PDE12: variants seen among roughly 807,000 people sequenced by gnomAD.
PDE12 encodes phosphodiesterase 12.
In PDE12, 26 loss-of-function variants were observed where a neutral mutation model predicts 45.4. That is an observed-to-expected ratio of 0.57 (90% CI 0.42 to 0.79). The LOEUF is 0.79. PDE12 is among the 30% of genes least tolerant of loss of function. The pLI, the probability that PDE12 is intolerant of heterozygous loss-of-function variation, is 0.00. For synonymous variants in PDE12, 283 were observed against 323.9 expected, an observed-to-expected ratio of 0.87 and a Z score of 1.36; for missense variants, 668 against 790.0, an observed-to-expected ratio of 0.85 and a Z score of 1.85.
the PDE12 span, among the ~76,000 whole-genome samples, chr3:57,653,475 G>T: frequency 1.3e-5 from 2 of 151,984 alleles, no homozygotes; most frequent in Admixed American, 1.3e-4. Flanking sequence ...GCCGGGCGCG[G>T]TGGCTCACGC....
At chr3:57,578,592 G>A in the PDE12 span, among the ~76,000 whole-genome samples, 4 of 151,972 alleles carry the variant, frequency 2.6e-5, no homozygotes, top group African/African-American at 4.8e-5. Flanking sequence ...TGATCCTCCC[G>A]CCTCAGCCTC....
the PDE12 span, among the ~76,000 whole-genome samples, chr3:57,629,066 A>T: frequency 6.6e-6 from 1 of 152,214 alleles, no homozygotes; most frequent in African/African-American, 2.4e-5. Flanking sequence ...CTGTTAGATA[A>T]TTTTCTGCAT....
At chr3:57,558,274 C>T (rs1405718957) in intron 1 of PDE12, among the ~76,000 whole-genome samples, 1 of 152,078 alleles carries the variant, frequency 6.6e-6, no homozygotes, top group African/African-American at 2.4e-5. Context: ...CACACAACAG[C>T]CCATGAGGTG....
chr3:57,577,328 CT>C, the PDE12 span: 1 of 1,613,324 alleles, frequency 6.2e-7, no homozygotes, highest in Non-Finnish European at 8.5e-7. Context: ...TTTTCTGCAG[CT>C]CATCTGCTAC....
chr3:57,646,381 C>G, the PDE12 span: 1 of 1,614,078 alleles, frequency 6.2e-7, no homozygotes, highest in African/African-American at 1.3e-5. Context: ...CAAGGGGCTC[C>G]CCCAACAGCA....
At chr3:57,641,290 A>G in the PDE12 span, among the ~76,000 whole-genome samples, 5 of 143,890 alleles carry the variant, frequency 3.5e-5, no homozygotes, top group South Asian at 2.1e-4. Context: ...ATATTTAAAT[A>G]TTATATATTT....
At chr3:57,568,707 T>C (rs2153407986), downstream of PDE12, among the ~76,000 whole-genome samples, 1 of 151,804 alleles carries the variant, frequency 6.6e-6, no homozygotes, top group South Asian at 2.1e-4. Context: ...AGGCATGAGC[T>C]ACCATGCCTT....
the PDE12 span, chr3:57,641,544 G>T: frequency 1.2e-6 from 1 of 829,118 alleles, no homozygotes; most frequent in East Asian, 2.8e-5. Flanking sequence ...CTTCTCCAAA[G>T]GCCTTGAAGA....
chr3:57,618,073 A>G, the PDE12 span, among the ~76,000 whole-genome samples: 2 of 152,180 alleles, frequency 1.3e-5, no homozygotes, highest in Non-Finnish European at 2.9e-5. Context: ...ATAAGTGGGA[A>G]CTAAACACTG....
At chr3:57,623,365 T>G in the PDE12 span, among the ~76,000 whole-genome samples, 4 of 152,066 alleles carry the variant, frequency 2.6e-5, no homozygotes, top group East Asian at 7.7e-4. Flanking sequence ...ATTTCAAGTT[T>G]CCTACTGAAG....
At chr3:57,573,708 A>G in the PDE12 span, among the ~76,000 whole-genome samples, 1,549 of 151,010 alleles carry the variant, frequency 0.01, 30 homozygotes, top group African/African-American at 0.035. Context: ...CAGCCTCCCA[A>G]GTAGCTGGGG....
At chr3:57,589,751 C>A in the PDE12 span, among the ~76,000 whole-genome samples, 1 of 150,768 alleles carries the variant, frequency 6.6e-6, no homozygotes, top group East Asian at 2.0e-4. Context: ...AAAAACAAAC[C>A]TTTGCCCATA....
chr3:57,597,451 C>A, the PDE12 span: 1 of 234,502 alleles, frequency 4.3e-6, no homozygotes, highest in Non-Finnish European at 8.5e-6. Context: ...GACAGAATCG[C>A]GTCACCGCCG....
chr3:57,630,119 C>T, the PDE12 span, among the ~76,000 whole-genome samples: 12 of 152,292 alleles, frequency 7.9e-5, no homozygotes, highest in African/African-American at 2.9e-4. Context: ...GACTCCAGCA[C>T]ACTGTTGGCT....
the PDE12 span, among the ~76,000 whole-genome samples, chr3:57,620,338 C>G: frequency 1.3e-5 from 2 of 152,036 alleles, no homozygotes; most frequent in African/African-American, 4.8e-5. Context: ...ATCATTTGAG[C>G]CCAGGAGTTT....
chr3:57,591,153 T>A, the PDE12 span, among the ~76,000 whole-genome samples: 2 of 152,168 alleles, frequency 1.3e-5, no homozygotes, highest in Non-Finnish European at 2.9e-5. Flanking sequence ...AAAATGGAAA[T>A]GTTTGTCAGG....
At chr3:57,577,203 G>T in the PDE12 span, 2 of 828,544 alleles carry the variant, frequency 2.4e-6, no homozygotes, top group South Asian at 1.6e-5. Context: ...TTTATTTCTA[G>T]CCCCCCCAAT....
the PDE12 span, among the ~76,000 whole-genome samples, chr3:57,590,901 C>T: frequency 2.6e-5 from 4 of 152,038 alleles, no homozygotes; most frequent in South Asian, 2.1e-4. Context: ...GCCCAGGCTG[C>T]GTAATAGTTT....
the PDE12 span, chr3:57,625,634 T>A: frequency 6.6e-6 from 1 of 152,238 alleles, no homozygotes; most frequent in Admixed American, 6.6e-5. Flanking sequence ...AGTAACAAAT[T>A]CTTCTTAAAA....
Sources: gnomAD v4.1 joint callset for allele counts (sites outside exome capture counted in the v4.1 genomes callset) on GRCh38, gnomAD v4.1.1 for gene constraint, MANE v1.5 for transcripts, NCBI Gene and HGNC (gene_info 2026-07-23, HGNC 2026-07-21) for gene names.